The following RIN3 variants were observed in gnomAD, a reference collection of about 807,000 sequenced individuals.
RIN3 encodes the protein Ras and Rab interactor 3, also known as RAB5 interacting protein 3.
RIN3 carries 54 observed loss-of-function variants against 76.3 expected under a neutral mutation model. The ratio of observed to expected loss-of-function variants is 0.71; its 90% CI spans 0.57 to 0.89. RIN3 has a LOEUF of 0.89. Ranked by LOEUF, RIN3 falls within the 40% of genes least tolerant of loss-of-function variation. The pLI, the probability that RIN3 is intolerant of heterozygous loss-of-function variation, is 0.00. For synonymous variants in RIN3, 576 were observed against 564.0 expected, an observed-to-expected ratio of 1.02 and a Z score of -0.30; for missense variants, 1,256 against 1,322.1, an observed-to-expected ratio of 0.95 and a Z score of 0.78.
chr14:92,513,798 C>T lies in RIN3; in HGVS notation c.-135C>T. Reference sequence around the variant, plus strand: ...CAGGAAGTAGAAGGGAGCGAGAGCCCCAGAGCGCGGCGGCAGCGGCGGCCT... The same window carrying T: ...CAGGAAGTAGAAGGGAGCGAGAGCCTCAGAGCGCGGCGGCAGCGGCGGCCT... On this transcript the variant is annotated 5_prime_UTR_variant, in exon 1 of 10. Coordinates refer to ENST00000216487, the MANE Select transcript of RIN3 (RefSeq NM_024832.5). 1 of 468,476 alleles carries T rather than the reference C, an allele frequency of 2.1e-6. No homozygotes were observed. The highest frequency in any genetic ancestry group is 3.4e-6 in the Non-Finnish European group (1 of 294,640). The allele number at this position is 468,476 out of a possible 1,614,324, so 29.0% of individuals were successfully genotyped here. A position where few individuals can be genotyped will look rare whatever the true frequency, so the allele number is the denominator to read the frequency against.
At chr14:92,572,247 G>A (rs945198821) in intron 2 of RIN3, among the ~76,000 whole-genome samples, 6 of 152,172 alleles carry the variant, frequency 3.9e-5, no homozygotes, top group Non-Finnish European at 7.3e-5. Flanking sequence ...CACTTGGGAG[G>A]GGCCGCATGC....
chr14:92,517,671 G>T (rs1424930372), intron 1 of RIN3, among the ~76,000 whole-genome samples: 8 of 152,192 alleles, frequency 5.3e-5, no homozygotes, highest in Non-Finnish European at 1.2e-4. Flanking sequence ...CATTTATTCT[G>T]AGAACCAGGA....
chr14:92,684,275 G>A (rs962035615), intron 8 of RIN3, among the ~76,000 whole-genome samples: 4 of 151,866 alleles, frequency 2.6e-5, no homozygotes, highest in African/African-American at 9.7e-5. Flanking sequence ...AGCTACTCAG[G>A]AGGCTGAGGT....
chr14:92,526,213 T>C lies in RIN3; in HGVS notation c.44+12237T>C, dbSNP rs1036936042. Among the ~76,000 whole-genome samples the C allele has an allele frequency of 3.3e-5, 5 of 152,174 alleles. No individual in the cohort carries two copies. The East Asian group carries it at 9.6e-4, about 29-fold the overall frequency. On this transcript the variant is annotated intron_variant, in intron 1 of 9. Coordinates refer to ENST00000216487, the MANE Select transcript of RIN3 (RefSeq NM_024832.5). ...GTTCACGCCTGTAATCCCAGCACTT[T>C]GGGAGGCCGAGGCAGGTGGATCACT...
chr14:92,636,374 A>C (rs781375073), intron 4 of RIN3, among the ~76,000 whole-genome samples: 1 of 152,138 alleles, frequency 6.6e-6, no homozygotes, highest in East Asian at 1.9e-4. Flanking sequence ...ACCTGAAGTC[A>C]GGAGTTTAAG....
rs1896368700 is a variant in RIN3 at position 92,514,035 on chromosome 14, G to T, written c.44+59G>T. The T allele has an allele frequency of 1.8e-6, 2 of 1,111,398 alleles. No homozygotes were observed. The highest frequency in any genetic ancestry group is 4.4e-5 in the South Asian group (1 of 22,608). The allele number at this position is 1,111,398 out of a possible 1,614,324, so 68.8% of individuals were successfully genotyped here. On this transcript the variant is annotated intron_variant, in intron 1 of 9. Transcript: ENST00000216487. The surrounding 1 kb of genome is among the most constrained non-coding windows in gnomAD (Gnocchi z 7.2). ...GATCCCCACGGCCCGCGTCCTGGCC[G>T]CCCCACTCCACTTCTTGTCCCAGAG...
intron 4 of RIN3, among the ~76,000 whole-genome samples, chr14:92,631,030 C>T (rs1387236487): frequency 1.3e-5 from 2 of 152,230 alleles, no homozygotes; most frequent in Non-Finnish European, 2.9e-5. Context: ...GGTGATGTCC[C>T]AGAGGCATAT....
At chr14:92,582,911 C>T (rs1884609162) in intron 3 of RIN3, among the ~76,000 whole-genome samples, 1 of 152,156 alleles carries the variant, frequency 6.6e-6, no homozygotes, top group South Asian at 2.1e-4. Context: ...CTGTTTGATG[C>T]CCTCCTCCTT....
At chr14:92,600,361 G>A (rs1046563244) in intron 3 of RIN3, among the ~76,000 whole-genome samples, 7 of 152,106 alleles carry the variant, frequency 4.6e-5, no homozygotes, top group East Asian at 1.9e-4. Context: ...AGGCTTCCCC[G>A]TCCCAAGAGC....
chr14:92,558,927 C>G (rs113948207), intron 2 of RIN3, among the ~76,000 whole-genome samples: 2 of 134,272 alleles, frequency 1.5e-5, no homozygotes, highest in Non-Finnish European at 3.1e-5. Flanking sequence ...CTTGCAGTGG[C>G]GCAATCTCAG....
intron 2 of RIN3, among the ~76,000 whole-genome samples, chr14:92,558,657 A>G (rs748805026): frequency 6.6e-6 from 1 of 152,200 alleles, no homozygotes; most frequent in African/African-American, 2.4e-5. Flanking sequence ...TGATGCCAAT[A>G]AAAGGTACAT....
At chr14:92,616,900 A>G (rs931658661) in intron 4 of RIN3, among the ~76,000 whole-genome samples, 6 of 152,190 alleles carry the variant, frequency 3.9e-5, no homozygotes, top group Non-Finnish European at 8.8e-5. Flanking sequence ...TCTAAAACCT[A>G]TGTGTTTCCT....
intron 2 of RIN3, among the ~76,000 whole-genome samples, chr14:92,558,599 A>T (rs1004299272): frequency 6.6e-6 from 1 of 152,206 alleles, no homozygotes; most frequent in African/African-American, 2.4e-5. Context: ...TTATTTGGGT[A>T]GTAACCCCAG....
chr14:92,553,063 G>A (rs1299908715), intron 1 of RIN3, among the ~76,000 whole-genome samples: 1 of 150,830 alleles, frequency 6.6e-6, no homozygotes, highest in African/African-American at 2.4e-5. Flanking sequence ...GATGAGCCCA[G>A]GTCACACCTA....
In RIN3 at chr14:92,688,463, G is replaced by A; in HGVS notation, c.*211G>A. On this transcript the variant is annotated 3_prime_UTR_variant, in exon 10 of 10. Coordinates refer to ENST00000216487, the MANE Select transcript of RIN3 (RefSeq NM_024832.5). ...AGTCCTAATAGCCCTGAGACACCGA[G>A]ACGGCATGTTCTTCATTAGACGGAA... is the stretch of plus-strand genomic sequence containing the variant. 3.5e-6 allele frequency: 2 copies of A among 574,604 alleles called. No homozygotes were observed. Among genetic ancestry groups the A allele is most frequent in the Middle Eastern group, 4.7e-4 (1 of 2,146 alleles). 35.6% of individuals were successfully genotyped at this position (574,604 alleles called of 1,614,324 possible). A position where few individuals can be genotyped will look rare whatever the true frequency, so the allele number is the denominator to read the frequency against.
intron 1 of RIN3, among the ~76,000 whole-genome samples, chr14:92,530,046 G>T (rs956792589): frequency 2.0e-5 from 3 of 152,220 alleles, no homozygotes; most frequent in African/African-American, 2.4e-5. Flanking sequence ...TTCAGTATTC[G>T]CTCAGTGTTC....
At chr14:92,621,180 G>A (rs1886165406) in intron 4 of RIN3, among the ~76,000 whole-genome samples, 1 of 121,560 alleles carries the variant, frequency 8.2e-6, no homozygotes, top group South Asian at 2.7e-4. Flanking sequence ...AGCTTGCAGT[G>A]AGCCAAGATT....
chr14:92,610,589 A>AGT (rs1371484108), intron 3 of RIN3, among the ~76,000 whole-genome samples: 1 of 152,204 alleles, frequency 6.6e-6, no homozygotes, highest in Non-Finnish European at 1.5e-5. Flanking sequence ...CATTTTGGGC[A>AGT]GTGCACCCTG....
At chr14:92,544,576 A>T (rs1388986161) in intron 1 of RIN3, among the ~76,000 whole-genome samples, 1 of 152,188 alleles carries the variant, frequency 6.6e-6, no homozygotes, top group African/African-American at 2.4e-5. Flanking sequence ...AAGAAAAAAC[A>T]GCTGGAGTGG....
Sources: allele counts gnomAD v4.1 joint callset (sites outside exome capture counted in the v4.1 genomes callset), GRCh38; gene constraint gnomAD v4.1.1; non-coding constraint Gnocchi (gnomAD v3.1); transcripts MANE v1.5; gene names NCBI Gene and HGNC (gene_info 2026-07-23, HGNC 2026-07-21).